The following RBM26 variants were observed in gnomAD, a reference collection of about 807,000 sequenced individuals.
RBM26 encodes the protein RNA binding motif protein 26.
Under a neutral mutation model 123.6 loss-of-function variants are expected in RBM26, and 30 were observed. The ratio of observed to expected loss-of-function variants is 0.24; its 90% CI spans 0.18 to 0.33. The LOEUF is 0.33. Ranked by LOEUF, RBM26 falls within the 10% of genes least tolerant of loss-of-function variation. The pLI, the probability that RBM26 is intolerant of heterozygous loss-of-function variation, is 1.00. For synonymous variants in RBM26, 400 were observed against 404.4 expected (o/e 0.99, Z 0.13); for missense variants, 947 against 1,203.6 (o/e 0.79, Z 3.15).
chr13:79,371,770 A>G (rs2075906490), intron 4 of RBM26, 72 bp downstream of exon 4: 1 of 1,086,728 alleles, frequency 9.2e-7, no homozygotes, highest in African/African-American at 1.6e-5. Context: ...GTAAAAGATA[A>G]CCCAAGTCTA....
Position 79,378,921 on chromosome 13 carries a change from C to T in RBM26, c.72-14G>A. 6.6e-7 allele frequency: 1 copy of T among 1,522,386 alleles called. No homozygotes were observed. Among genetic ancestry groups the T allele is most frequent in the Non-Finnish European group, 9.0e-7 (1 of 1,110,926 alleles). 94.3% of individuals were successfully genotyped at this position (1,522,386 alleles called of 1,614,324 possible). A position where few individuals can be genotyped will look rare whatever the true frequency, so the allele number is the denominator to read the frequency against. The stretch of plus-strand genomic sequence containing the variant: ...TCTGCATCACAGCTAAAGAAAAAAA[C>T]CAATGTTGAAGAAAATTTAGCCAAC... On this transcript the variant is annotated splice_polypyrimidine_tract_variant and intron_variant, in intron 1 of 21. Transcript: ENST00000438737.
chr13:79,331,635 C>CA (rs774555503), intron 20 of RBM26, among the ~76,000 whole-genome samples: 347 of 123,920 alleles, frequency 2.8e-3, no homozygotes, highest in Middle Eastern at 8.7e-3. Flanking sequence ...GACTCCGCCT[C>CA]AAAAAAAAAA....
At chr13:79,346,254 C>T (rs1255913255) in intron 14 of RBM26, among the ~76,000 whole-genome samples, 1 of 152,094 alleles carries the variant, frequency 6.6e-6, no homozygotes, top group African/African-American at 2.4e-5. Context: ...TCTAAGTATT[C>T]AAGAAAGTGT....
chr13:79,358,606 T>A (rs2074302233), intron 10 of RBM26, among the ~76,000 whole-genome samples, 173 bp from the exon 11 acceptor site: 1 of 152,226 alleles, frequency 6.6e-6, no homozygotes, highest in Admixed American at 6.5e-5. Context: ...AGTTTCCAAA[T>A]GAACACTGTT....
chr13:79,372,765 T>TTATATTATATATAATTATGATA (rs1555330222), intron 3 of RBM26, among the ~76,000 whole-genome samples: 5 of 96,558 alleles, frequency 5.2e-5, no homozygotes, highest in African/African-American at 2.4e-4. Flanking sequence ...ATTATATATT[T>TTATATTATATATAATTATGATA]TATATTATAT....
intron 15 of RBM26, 118 bp from the exon 16 acceptor site, chr13:79,344,440 T>C: frequency 1.5e-5 from 13 of 892,318 alleles, no homozygotes; most frequent in Non-Finnish European, 2.1e-5. Context: ...ATGCAAGGCT[T>C]TTCTATGTAA....
At position 79,320,599 on chromosome 13, in the gene RBM26, T is replaced by A; in HGVS notation, c.*22A>T. 1 of 1,569,524 alleles carries A rather than the reference T, an allele frequency of 6.4e-7. No homozygotes were observed. ...GAAACACAGGTAGAGTTCTAGCATA[T>A]GCAGATCAATGATCAGTCAAATCAT... On this transcript the variant is annotated 3_prime_UTR_variant, in exon 22 of 22. Coordinates refer to ENST00000438737, the MANE Select transcript of RBM26 (RefSeq NM_001366735.2).
chr13:79,323,830 C>T (rs771172974), intron 20 of RBM26, among the ~76,000 whole-genome samples: 3 of 151,662 alleles, frequency 2.0e-5, no homozygotes, highest in East Asian at 1.9e-4. Flanking sequence ...TGCTCCATTA[C>T]AAACTTGAGA....
downstream of RBM26, among the ~76,000 whole-genome samples, chr13:79,316,228 T>TGTGTGC (rs1321447427): frequency 2.7e-5 from 4 of 146,994 alleles, no homozygotes; most frequent in Non-Finnish European, 4.5e-5. Flanking sequence ...TGTGTGTGTG[T>TGTGTGC]GTGTTGGGTG....
intron 16 of RBM26, among the ~76,000 whole-genome samples, chr13:79,343,960 C>T (rs1184439321): frequency 1.3e-5 from 2 of 151,762 alleles, no homozygotes; most frequent in African/African-American, 4.8e-5. Context: ...AGGTACATAT[C>T]AATACTGAGA....
At chr13:79,355,825 C>T (rs1441789009) in intron 11 of RBM26, among the ~76,000 whole-genome samples, 1 of 148,648 alleles carries the variant, frequency 6.7e-6, no homozygotes, top group Non-Finnish European at 1.5e-5. Context: ...TTGTAATTCT[C>T]ACATTTCCAA....
intron 1 of RBM26, among the ~76,000 whole-genome samples, chr13:79,401,185 T>G (rs1566613740): frequency 6.6e-6 from 1 of 152,124 alleles, no homozygotes; most frequent in Admixed American, 6.5e-5. Flanking sequence ...AAATAAATTT[T>G]AATGTGGTGA....
At chr13:79,398,676 T>C (rs2078802121) in intron 1 of RBM26, among the ~76,000 whole-genome samples, 1 of 152,116 alleles carries the variant, frequency 6.6e-6, no homozygotes, top group African/African-American at 2.4e-5. Context: ...CAAGTAAATA[T>C]TAATATACTT....
intron 1 of RBM26, among the ~76,000 whole-genome samples, chr13:79,384,063 T>A (rs1175658263): frequency 6.6e-6 from 1 of 152,120 alleles, no homozygotes; most frequent in African/African-American, 2.4e-5. Context: ...AAGTGAGCAT[T>A]CACGAACACT....
chr13:79,390,689 G>A (rs1275228185), intron 1 of RBM26, among the ~76,000 whole-genome samples: 1 of 152,142 alleles, frequency 6.6e-6, no homozygotes, highest in Non-Finnish European at 1.5e-5. Context: ...ATGAACCAAA[G>A]GATAATAGTG....
In RBM26 at chr13:79,371,836, G is replaced by GCTC. The variant is rs1321903109; in HGVS notation, c.416+3_416+5dup. On this transcript the variant is annotated splice_donor_region_variant and intron_variant, in intron 4 of 21. Transcript: ENST00000438737. The stretch of plus-strand genomic sequence containing the variant: ...AACACTGAGTATGGTTCAATGAACT[G>GCTC]CTCACCTATTTTCCCTGTATCGGGA... 1.3e-6 allele frequency: 2 copies of GCTC among 1,577,712 alleles called. No homozygotes were observed. The highest frequency in any genetic ancestry group is 2.7e-5 in the African/African-American group (2 of 74,092).
chr13:79,391,476 T>C (rs2077980716), intron 1 of RBM26, among the ~76,000 whole-genome samples: 3 of 152,244 alleles, frequency 2.0e-5, no homozygotes, highest in South Asian at 4.1e-4. Context: ...CAGGCTGGAG[T>C]GCGGTGGCGC....
At chr13:79,336,050 T>A (rs571262890) in intron 19 of RBM26, among the ~76,000 whole-genome samples, 1 of 152,244 alleles carries the variant, frequency 6.6e-6, no homozygotes, top group Non-Finnish European at 1.5e-5. Flanking sequence ...ACCATTTCTG[T>A]CAATATCTCC....
chr13:79,319,058 G>T lies in RBM26; in HGVS notation c.*1563C>A. On this transcript the variant is annotated 3_prime_UTR_variant, in exon 22 of 22. Transcript: ENST00000438737. ...TTTTGAAATTTTAAATATAAACGTA[G>T]ACACGAATTGCAAGGCAAAGCATTT... 3 of 984,144 alleles carry T rather than the reference G, an allele frequency of 3.0e-6. No homozygotes were observed. The South Asian group carries it at 1.4e-4, about 46-fold the overall frequency. 61.0% of individuals were successfully genotyped at this position (984,144 alleles called of 1,614,324 possible).
Sources: gnomAD v4.1 joint callset for allele counts (sites outside exome capture counted in the v4.1 genomes callset) on GRCh38, gnomAD v4.1.1 for gene constraint, MANE v1.5 for transcripts, NCBI Gene and HGNC (gene_info 2026-07-23, HGNC 2026-07-21) for gene names.